EPHB2: variants seen among roughly 807,000 people sequenced by gnomAD.
The protein encoded by EPHB2 is ephrin type-B receptor 2.
In EPHB2, 18 loss-of-function variants were observed where a neutral mutation model predicts 96.4. That is an observed-to-expected ratio of 0.19 (90% confidence interval 0.13 to 0.28). The LOEUF (loss-of-function observed/expected upper bound fraction) is 0.28. EPHB2 is among the 10% of genes least tolerant of loss of function. The probability of loss-of-function intolerance (pLI) is 1.00; values close to 1 mark genes in which losing one functional copy is unlikely to be tolerated. For synonymous variants in EPHB2, 506 were observed against 534.1 expected (o/e 0.95, Z 0.72); for missense variants, 989 against 1,355.4 (o/e 0.73, Z 4.25).
intron 3 of EPHB2, among the ~76,000 whole-genome samples, chr1:22,834,088 A>G (rs1021190692): frequency 6.6e-6 from 1 of 152,196 alleles, no homozygotes; most frequent in Admixed American, 6.5e-5. Flanking sequence ...GAAAATGTCA[A>G]ATCAGATCCA....
chr1:22,907,090 T>C, intron 11 of EPHB2, 133 bp downstream of exon 11: 2 of 1,271,034 alleles, frequency 1.6e-6, no homozygotes, highest in Admixed American at 2.9e-5. Context: ...AGGCTGTCAC[T>C]TTCCATTCCC....
At chr1:22,777,103 C>A (rs1368129835) in intron 1 of EPHB2, among the ~76,000 whole-genome samples, 1 of 152,198 alleles carries the variant, frequency 6.6e-6, no homozygotes, top group Non-Finnish European at 1.5e-5. Context: ...TGAGTCGAGA[C>A]TTCACAGATG....
At chr1:22,884,477 C>T (rs1020944806) in intron 6 of EPHB2, among the ~76,000 whole-genome samples, 9 of 151,860 alleles carry the variant, frequency 5.9e-5, no homozygotes, top group African/African-American at 1.5e-4. Context: ...AAAATTAGCC[C>T]GGCGTGGTGG....
At chr1:22,862,093 CT>C (rs771687244) in intron 3 of EPHB2, among the ~76,000 whole-genome samples, 8 of 152,242 alleles carry the variant, frequency 5.3e-5, no homozygotes, top group Non-Finnish European at 1.2e-4. Context: ...GACCCTCAGC[CT>C]CCTGATTCTC....
chr1:22,726,133 A>T (rs1369631875), intron 1 of EPHB2, among the ~76,000 whole-genome samples: 1 of 152,248 alleles, frequency 6.6e-6, no homozygotes, highest in Non-Finnish European at 1.5e-5. Context: ...ATTAAAGAGA[A>T]TCAATGTTCT....
At chr1:22,819,430 C>T (rs181070926) in intron 3 of EPHB2, among the ~76,000 whole-genome samples, 1 of 152,274 alleles carries the variant, frequency 6.6e-6, no homozygotes, top group East Asian at 1.9e-4. Flanking sequence ...GTCCTGGAAG[C>T]CTCCTGGTAC....
intron 3 of EPHB2, among the ~76,000 whole-genome samples, chr1:22,822,643 C>G (rs1429708928): frequency 6.6e-6 from 1 of 152,228 alleles, no homozygotes; most frequent in Non-Finnish European, 1.5e-5. Context: ...ACAGAGCAGG[C>G]TGGAGCAGGC....
At chr1:22,822,270 G>A (rs1248174081) in intron 3 of EPHB2, among the ~76,000 whole-genome samples, 1 of 152,006 alleles carries the variant, frequency 6.6e-6, no homozygotes, top group Admixed American at 6.6e-5. Context: ...ATCACTTGAG[G>A]CCAGGAGTTT....
intron 3 of EPHB2, among the ~76,000 whole-genome samples, chr1:22,840,190 T>C (rs1460531071): frequency 6.6e-6 from 1 of 152,192 alleles, no homozygotes. Context: ...CTCATAGGGA[T>C]GTTATAAGGA....
Position 22,895,359 on chromosome 1 carries a change from G to A in EPHB2, c.1592-113G>A, listed in dbSNP as rs144388639. The A allele has an allele frequency of 1.2e-3, 1,113 of 952,954 alleles. 10 individuals carry two copies. In the African/African-American group the frequency reaches 0.015, roughly 13 times the overall value. The allele number at this position is 952,954 out of a possible 1,614,324, so 59.0% of individuals were successfully genotyped here. A position where few individuals can be genotyped will look rare whatever the true frequency, so the allele number is the denominator to read the frequency against. Reference sequence around the variant, plus strand: ...TGTAACAGGTGCTCTGTCAGGGGCAGGAACAGAGTCTAGGGATCCCAGGAG... The same window carrying A: ...TGTAACAGGTGCTCTGTCAGGGGCAAGAACAGAGTCTAGGGATCCCAGGAG... On this transcript the variant is annotated intron_variant, in intron 7 of 15. Transcript: ENST00000374630.
intron 3 of EPHB2, among the ~76,000 whole-genome samples, chr1:22,804,094 A>G (rs1644889574): frequency 6.6e-6 from 1 of 152,208 alleles, no homozygotes; most frequent in Non-Finnish European, 1.5e-5. Context: ...TCCAAGAGGC[A>G]GAAGGGCTTG....
chr1:22,916,766 G>GC lies in EPHB2; in HGVS notation c.*3198dup, dbSNP rs989678022. 1 of 152,316 alleles carries GC rather than the reference G, an allele frequency of 6.6e-6. No homozygotes were observed. Among genetic ancestry groups the GC allele is most frequent in the African/African-American group, 2.4e-5 (1 of 41,428 alleles). 9.4% of individuals were successfully genotyped at this position (152,316 alleles called of 1,614,324 possible). ...AGTTGGTACTGCAGGAAAGAAAGCTGCCTTGTAAACACAGGCCAGGGCACC... is the reference window on the plus strand; with the variant it reads ...AGTTGGTACTGCAGGAAAGAAAGCTGCCCTTGTAAACACAGGCCAGGGCACC... On this transcript the variant is annotated 3_prime_UTR_variant, in exon 16 of 16. Transcript: ENST00000374630. This position sits in a 1 kb window ranked among gnomAD's most constrained non-coding sequence, Gnocchi z 4.2.
At chr1:22,717,464 G>GC (rs1020385526) in intron 1 of EPHB2, among the ~76,000 whole-genome samples, 5 of 152,158 alleles carry the variant, frequency 3.3e-5, no homozygotes, top group Non-Finnish European at 5.9e-5. Context: ...GGAGCCATCT[G>GC]CCCCCCTGCT....
intron 3 of EPHB2, among the ~76,000 whole-genome samples, chr1:22,845,910 C>T (rs1206046689): frequency 6.6e-6 from 1 of 152,178 alleles, no homozygotes; most frequent in African/African-American, 2.4e-5. Context: ...GCAAATCTTG[C>T]TGTTGTCTTG....
At chr1:22,730,026 G>T (rs1167810772) in intron 1 of EPHB2, among the ~76,000 whole-genome samples, 1 of 152,234 alleles carries the variant, frequency 6.6e-6, no homozygotes, top group Non-Finnish European at 1.5e-5. Context: ...TAATTGAACG[G>T]AGTGGGATTG....
chr1:22,755,920 A>G (rs1644142635), intron 1 of EPHB2, among the ~76,000 whole-genome samples: 2 of 152,076 alleles, frequency 1.3e-5, no homozygotes, highest in African/African-American at 4.8e-5. Context: ...GGCTCATCTT[A>G]TGTAATTTCA....
intron 3 of EPHB2, among the ~76,000 whole-genome samples, chr1:22,815,434 G>A (rs1304373482): frequency 6.6e-6 from 1 of 152,240 alleles, no homozygotes; most frequent in African/African-American, 2.4e-5. Context: ...AGGAAGCCTG[G>A]CTGGACCCTG....
intron 6 of EPHB2, among the ~76,000 whole-genome samples, chr1:22,892,125 C>T (rs1639410255): frequency 6.6e-6 from 1 of 152,100 alleles, no homozygotes; most frequent in African/African-American, 2.4e-5. Flanking sequence ...CAACCCTGAA[C>T]TGATAGTGAC....
At chr1:22,869,970 T>C (rs962135907) in intron 5 of EPHB2, among the ~76,000 whole-genome samples, 1 of 152,176 alleles carries the variant, frequency 6.6e-6, no homozygotes, top group Non-Finnish European at 1.5e-5. Context: ...CAGTGAACAT[T>C]CAGCGAACAT....
Sources: allele counts gnomAD v4.1 joint callset (sites outside exome capture counted in the v4.1 genomes callset), GRCh38; gene constraint gnomAD v4.1.1; non-coding constraint Gnocchi (gnomAD v3.1); transcripts MANE v1.5; gene names NCBI Gene and HGNC (gene_info 2026-07-23, HGNC 2026-07-21).